Variants in CACNA2D3 observed in about 807,000 individuals in gnomAD.
The protein encoded by CACNA2D3 is voltage-dependent calcium channel subunit alpha-2/delta-3.
CACNA2D3 carries 60 observed loss-of-function variants against 160.6 expected under a neutral mutation model. The ratio of observed to expected loss-of-function variants is 0.37; its 90% CI spans 0.30 to 0.46. The LOEUF (loss-of-function observed/expected upper bound fraction) is 0.46. Among genes scored for constraint, CACNA2D3 ranks in the 20% least tolerant of loss-of-function variants. The pLI is 1.00. For missense variants in CACNA2D3, 1,205 were observed against 1,365.0 expected (o/e 0.88, Z 1.85); for synonymous variants, 558 against 492.9 (o/e 1.13, Z -1.75).
In CACNA2D3 at chr3:55,074,207, C is replaced by CACTG; in HGVS notation, c.*7_*10dup. On this transcript the variant is annotated 3_prime_UTR_variant, in exon 38 of 38. Transcript: ENST00000474759. The stretch of plus-strand genomic sequence containing the variant: ...GCTTTTGATGCTCTTCTCAAGGTGA[C>CACTG]ACTGACTGAGATGTTCTCTTACTGA... 1.3e-6 allele frequency: 2 copies of CACTG among 1,592,918 alleles called. No individual in the cohort carries two copies. Among genetic ancestry groups the CACTG allele is most frequent in the East Asian group, 2.2e-5 (1 of 44,846 alleles).
At chr3:54,985,554 T>TAA (rs1702596552) in intron 30 of CACNA2D3, among the ~76,000 whole-genome samples, 1 of 152,230 alleles carries the variant, frequency 6.6e-6, no homozygotes, top group Non-Finnish European at 1.5e-5. Flanking sequence ...TTCCTTAACT[T>TAA]GTCTAGACCT....
At chr3:54,459,599 G>A (rs28874118) in intron 4 of CACNA2D3, among the ~76,000 whole-genome samples, 4,030 of 151,772 alleles carry the variant, frequency 0.027, 67 homozygotes, top group Non-Finnish European at 0.036. Flanking sequence ...CATATCCTTC[G>A]CCCACTTTCT....
At chr3:54,497,372 T>A (rs2106933601) in intron 4 of CACNA2D3, among the ~76,000 whole-genome samples, 1 of 152,200 alleles carries the variant, frequency 6.6e-6, no homozygotes, top group African/African-American at 2.4e-5. Context: ...ACCTGTTTTA[T>A]TCTATGCTAT....
At chr3:54,791,040 A>ATT (rs5849060) in intron 13 of CACNA2D3, among the ~76,000 whole-genome samples, 7,395 of 149,494 alleles carry the variant, frequency 0.049, 247 homozygotes, top group East Asian at 0.14. Context: ...CCTTCTTTGT[A>ATT]TTTTTTTTTT....
intron 2 of CACNA2D3, among the ~76,000 whole-genome samples, chr3:54,317,831 A>C (rs1703900857): frequency 6.6e-6 from 1 of 152,164 alleles, no homozygotes; most frequent in Admixed American, 6.5e-5. Flanking sequence ...GAACCACCGC[A>C]CCTGGCCCCA....
intron 11 of CACNA2D3, among the ~76,000 whole-genome samples, chr3:54,721,021 A>T (rs1249563449): frequency 6.6e-6 from 1 of 152,106 alleles, no homozygotes; most frequent in East Asian, 1.9e-4. Context: ...AAGGCAAAAT[A>T]TTTCTATTAT....
chr3:55,006,860 G>A (rs369828524), intron 32 of CACNA2D3, among the ~76,000 whole-genome samples: 10 of 152,314 alleles, frequency 6.6e-5, no homozygotes, highest in African/African-American at 2.4e-4. Context: ...CAGAAGGTGG[G>A]ATTAAGCAGC....
intron 2 of CACNA2D3, among the ~76,000 whole-genome samples, chr3:54,266,282 T>C (rs1219132322): frequency 2.6e-5 from 4 of 152,210 alleles, no homozygotes; most frequent in African/African-American, 7.2e-5. Flanking sequence ...GGTAATGTGC[T>C]ACCTGCTGTC....
chr3:55,040,624 G>A (rs1354309420), intron 35 of CACNA2D3, among the ~76,000 whole-genome samples: 3 of 152,134 alleles, frequency 2.0e-5, no homozygotes, highest in Admixed American at 2.0e-4. Flanking sequence ...GTCTGAGGCT[G>A]CAATGATCTA....
intron 3 of CACNA2D3, among the ~76,000 whole-genome samples, chr3:54,368,791 T>A (rs1698871302): frequency 7.6e-6 from 1 of 131,714 alleles, no homozygotes; most frequent in South Asian, 2.7e-4. Context: ...AAGCTCCGCC[T>A]CCTGGGTTCA....
intron 13 of CACNA2D3, among the ~76,000 whole-genome samples, chr3:54,765,703 A>G (rs1340634417): frequency 6.6e-6 from 1 of 152,096 alleles, no homozygotes; most frequent in Non-Finnish European, 1.5e-5. Flanking sequence ...CAGTCATTTT[A>G]TTTGTTTCAT....
intron 11 of CACNA2D3, among the ~76,000 whole-genome samples, chr3:54,662,757 G>A (rs1699995370): frequency 1.3e-5 from 2 of 152,218 alleles, no homozygotes; most frequent in South Asian, 4.1e-4. Flanking sequence ...AGTGTACTTA[G>A]AAGAGTCAGG....
chr3:54,809,684 C>A (rs947439128), intron 13 of CACNA2D3, among the ~76,000 whole-genome samples: 1 of 151,372 alleles, frequency 6.6e-6, no homozygotes, highest in Non-Finnish European at 1.5e-5. Context: ...TTGTTCCTCT[C>A]TTCCTCCCTT....
chr3:54,720,115 T>C (rs971940611), intron 11 of CACNA2D3, among the ~76,000 whole-genome samples: 1 of 152,026 alleles, frequency 6.6e-6, no homozygotes, highest in Admixed American at 6.5e-5. Context: ...TACATCTGTT[T>C]GCTGTGTCAT....
chr3:55,060,614 A>C (rs1236462564), intron 35 of CACNA2D3, among the ~76,000 whole-genome samples: 9 of 152,292 alleles, frequency 5.9e-5, no homozygotes, highest in African/African-American at 1.7e-4. Flanking sequence ...TTAAGTAAAC[A>C]CTCCGTAAAT....
At chr3:54,410,522 C>G (rs1699649101) in intron 4 of CACNA2D3, among the ~76,000 whole-genome samples, 1 of 152,134 alleles carries the variant, frequency 6.6e-6, no homozygotes, top group Admixed American at 6.5e-5. Flanking sequence ...TATGCTAAAT[C>G]TACCATACGT....
At chr3:54,454,120 T>A (rs2106824615) in intron 4 of CACNA2D3, among the ~76,000 whole-genome samples, 1 of 152,300 alleles carries the variant, frequency 6.6e-6, no homozygotes, top group South Asian at 2.1e-4. Context: ...CTCCACTGAT[T>A]CTTGGCCAAG....
intron 17 of CACNA2D3, among the ~76,000 whole-genome samples, chr3:54,857,975 T>C (rs1699209733): frequency 6.6e-6 from 1 of 151,982 alleles, no homozygotes; most frequent in African/African-American, 2.4e-5. Context: ...ATTTAGAAGA[T>C]AGGATTCTCG....
intron 2 of CACNA2D3, among the ~76,000 whole-genome samples, chr3:54,273,627 T>G (rs1702669943): frequency 6.6e-6 from 1 of 152,126 alleles, no homozygotes; most frequent in Non-Finnish European, 1.5e-5. Flanking sequence ...GGCAGCAATC[T>G]CACAACACGG....
Sources: allele counts gnomAD v4.1 joint callset (sites outside exome capture counted in the v4.1 genomes callset), GRCh38; gene constraint gnomAD v4.1.1; transcripts MANE v1.5; gene names NCBI Gene and HGNC (gene_info 2026-07-23, HGNC 2026-07-21).